Variants in ATXN10 observed in about 807,000 individuals in gnomAD.
The protein encoded by ATXN10 is ataxin 10, also known as ataxin-10.
Under a neutral mutation model 52.9 loss-of-function variants are expected in ATXN10, and 28 were observed. The ratio of observed to expected loss-of-function variants is 0.53; its 90% CI spans 0.39 to 0.73. The LOEUF is 0.73. ATXN10 is among the 30% of genes least tolerant of loss of function. The pLI, the probability that ATXN10 is intolerant of heterozygous loss-of-function variation, is 0.00. For synonymous variants in ATXN10, 226 were observed against 221.5 expected (o/e 1.02, Z -0.18); for missense variants, 565 against 577.0 (o/e 0.98, Z 0.21).
rs991890972 is a variant in ATXN10, at chr22:45,828,627, C to A, written c.1238-14364C>A. Among the ~76,000 whole-genome samples, 12 of 152,120 alleles carry A rather than the reference C, an allele frequency of 7.9e-5. No individual in the cohort carries two copies. Among genetic ancestry groups the A allele is most frequent in the African/African-American group, 2.9e-4 (12 of 41,498 alleles). On this transcript the variant is annotated intron_variant, in intron 10 of 11. Coordinates refer to ENST00000252934, the MANE Select transcript of ATXN10 (RefSeq NM_013236.4). The surrounding 1 kb of genome is among the most constrained non-coding windows in gnomAD (Gnocchi z 4.5). ...GAGAGCACTGTGAACAATTGTACAC[C>A]ATCAGTTTGGATAATGTAAATGAAA...
rs567855767 is a variant in ATXN10 at position 45,726,127 on chromosome 22, T to A, written c.729-3298T>A. The stretch of plus-strand genomic sequence containing the variant: ...TCTGTGGTTTTCTTTTTTTGTTATG[T>A]CCTTTACTGCTTTTGGTATCAGAGT... On this transcript the variant is annotated intron_variant, in intron 6 of 11. Coordinates refer to ENST00000252934, the MANE Select transcript of ATXN10 (RefSeq NM_013236.4). 5.3e-5 allele frequency among the ~76,000 whole-genome samples: 8 copies of A among 152,324 alleles called. No homozygotes were observed. The South Asian group carries it at 1.7e-3, about 32-fold the overall frequency.
At chr22:45,807,541 C>T (rs1400066949) in intron 10 of ATXN10, among the ~76,000 whole-genome samples, 1 of 152,186 alleles carries the variant, frequency 6.6e-6, no homozygotes, top group Non-Finnish European at 1.5e-5. Flanking sequence ...GTCCTGCAGC[C>T]CTCTGCGGCA....
At chr22:45,674,751 G>C (rs1922615323) in intron 1 of ATXN10, 1 of 152,226 alleles carries the variant, frequency 6.6e-6, no homozygotes, top group African/African-American at 2.4e-5. Flanking sequence ...CAAAAACAGT[G>C]AGGAAAGTAA....
Position 45,757,545 on chromosome 22 carries a change from C to CT in ATXN10, c.1173+17010dup. Among the ~76,000 whole-genome samples the CT allele has an allele frequency of 6.6e-6, 1 of 151,750 alleles. No homozygotes were observed. Among genetic ancestry groups the CT allele is most frequent in the East Asian group, 1.9e-4 (1 of 5,148 alleles). On this transcript the variant is annotated intron_variant, in intron 9 of 11. Transcript: ENST00000252934. The surrounding 1 kb of genome is among the most constrained non-coding windows in gnomAD (Gnocchi z 4.6). ...CTTTGGAGGGAGAAAGAAATGGGTTCTTTCTCTGTATTCTCTAAGATAGAT... is the reference window on the plus strand; with the variant it reads ...CTTTGGAGGGAGAAAGAAATGGGTTCTTTTCTCTGTATTCTCTAAGATAGAT...
chr22:45,838,254 G>A (rs1296014299), intron 10 of ATXN10, among the ~76,000 whole-genome samples: 3 of 152,170 alleles, frequency 2.0e-5, no homozygotes, highest in Non-Finnish European at 4.4e-5. Flanking sequence ...ACCCAGTTTA[G>A]TGTTAGGCCC....
intron 10 of ATXN10, among the ~76,000 whole-genome samples, chr22:45,811,324 C>T (rs1203859920): frequency 2.0e-5 from 3 of 152,148 alleles, no homozygotes; most frequent in Non-Finnish European, 4.4e-5. Flanking sequence ...TTGGTATTTA[C>T]ATGGTACAAT....
rs963930981 is a variant in ATXN10 at position 45,819,092 on chromosome 22, A to G, written c.1237+12070A>G. ...TATTTTAAATTTAGAAGCTACATGCAATACTTGTTTTTCAAAATTGTTTAC... is the reference window on the plus strand; with the variant it reads ...TATTTTAAATTTAGAAGCTACATGCGATACTTGTTTTTCAAAATTGTTTAC... On this transcript the variant is annotated intron_variant, in intron 10 of 11. Transcript: ENST00000252934. The surrounding 1 kb of genome is among the most constrained non-coding windows in gnomAD (Gnocchi z 4.5). 1.3e-5 allele frequency among the ~76,000 whole-genome samples: 2 copies of G among 152,184 alleles called. No homozygotes were observed. Among genetic ancestry groups the G allele is most frequent in the African/African-American group, 2.4e-5 (1 of 41,414 alleles).
chr22:45,821,855 C>G (rs897950533), intron 10 of ATXN10, among the ~76,000 whole-genome samples: 2 of 152,076 alleles, frequency 1.3e-5, no homozygotes, highest in African/African-American at 2.4e-5. Flanking sequence ...AAAAGTGAAG[C>G]CAATATATAT....
chr22:45,751,740 G>GAAAAAAAAAAAAA (rs200364242), intron 9 of ATXN10, among the ~76,000 whole-genome samples: 9 of 45,462 alleles, frequency 2.0e-4, no homozygotes, highest in East Asian at 5.9e-4. Flanking sequence ...CCTTTTTCTG[G>GAAAAAAAAAAAAA]AAAAAAAAAA....
intron 10 of ATXN10, among the ~76,000 whole-genome samples, chr22:45,812,269 C>T (rs1225708158): frequency 3.9e-5 from 6 of 152,150 alleles, no homozygotes; most frequent in East Asian, 1.9e-4. Flanking sequence ...CTGGATTACC[C>T]GCTGGATTGC....
chr22:45,718,487 A>C lies in ATXN10; in HGVS notation c.722A>C (p.Gln241Pro), dbSNP rs141096430. The part of the protein sequence containing the change: ...VQAMFPKLNN[Q>P]ERVTLLDLMI... ...GCCATGTTTCCCAAACTGAACAATCAAGAAAGGTAACCCCCCAACCAGCGT... is the reference window on the plus strand; with the variant it reads ...GCCATGTTTCCCAAACTGAACAATCCAGAAAGGTAACCCCCCAACCAGCGT... Residue 241 changes from glutamine to proline, a missense_variant, in exon 6 of 12, where the codon CAA (glutamine) becomes CCA (proline). Transcript: ENST00000252934. This position sits in a 1 kb window ranked among gnomAD's most constrained non-coding sequence, Gnocchi z 4.4. The C allele has an allele frequency of 2.5e-6, 4 of 1,613,330 alleles. No homozygotes were observed. In the African/African-American group the frequency reaches 5.3e-5, roughly 22 times the overall value.
In ATXN10 at chr22:45,843,812, A is replaced by T. The variant is rs1391293079; in HGVS notation, c.*141A>T. 1.3e-6 allele frequency: 1 copy of T among 779,688 alleles called. No homozygotes were observed. The highest frequency in any genetic ancestry group is 1.7e-5 in the African/African-American group (1 of 57,616). The allele number at this position is 779,688 out of a possible 1,614,324, so 48.3% of individuals were successfully genotyped here. A position where few individuals can be genotyped will look rare whatever the true frequency, so the allele number is the denominator to read the frequency against. Reference sequence around the variant, plus strand: ...CAAATCTTTTAGGTAGTAGAGTTTAACGTGTATAAGCTAAAAGTGAAAGTA... The same window carrying T: ...CAAATCTTTTAGGTAGTAGAGTTTATCGTGTATAAGCTAAAAGTGAAAGTA... On this transcript the variant is annotated 3_prime_UTR_variant, in exon 12 of 12. Transcript: ENST00000252934. This position sits in a 1 kb window ranked among gnomAD's most constrained non-coding sequence, Gnocchi z 4.5.
chr22:45,748,846 G>A (rs1925837327), intron 9 of ATXN10, among the ~76,000 whole-genome samples: 1 of 152,114 alleles, frequency 6.6e-6, no homozygotes, highest in Non-Finnish European at 1.5e-5. Context: ...TACAGTTCCT[G>A]TAACAGTAAA....
chr22:45,726,457 CAT>C (rs1031665463), intron 6 of ATXN10, among the ~76,000 whole-genome samples: 7 of 151,524 alleles, frequency 4.6e-5, no homozygotes, highest in Admixed American at 4.6e-4. Flanking sequence ...CAAAGGTATT[CAT>C]AGTGTCCTTA....
rs1011702646 is a variant in ATXN10, at chr22:45,775,816, C to T, written c.1174-31143C>T. 3.3e-5 allele frequency among the ~76,000 whole-genome samples: 5 copies of T among 152,148 alleles called. No individual in the cohort carries two copies. Among genetic ancestry groups the T allele is most frequent in the Non-Finnish European group, 5.9e-5 (4 of 68,026 alleles). On this transcript the variant is annotated intron_variant, in intron 9 of 11. Transcript: ENST00000252934. The surrounding 1 kb of genome is among the most constrained non-coding windows in gnomAD (Gnocchi z 4.7). ...CACGGTAGCACCAATAATAAATATT[C>T]TACAGCCTCTAACCTGATAGATCAT...
chr22:45,781,486 C>T lies in ATXN10; in HGVS notation c.1174-25473C>T, dbSNP rs145960186. ...CTGCCTTCCACGTGCTGTTGTTGAA[C>T]GAGCTCTGCTAAAATAGGAGACTTA... On this transcript the variant is annotated intron_variant, in intron 9 of 11. Transcript: ENST00000252934. This position sits in a 1 kb window ranked among gnomAD's most constrained non-coding sequence, Gnocchi z 4.2. 3.0e-4 allele frequency among the ~76,000 whole-genome samples: 45 copies of T among 152,314 alleles called. No individual in the cohort carries two copies. Among genetic ancestry groups the T allele is most frequent in the Non-Finnish European group, 5.4e-4 (37 of 68,022 alleles).
chr22:45,782,459 C>T (rs1250702350), intron 9 of ATXN10, among the ~76,000 whole-genome samples: 5 of 152,062 alleles, frequency 3.3e-5, no homozygotes, highest in Admixed American at 6.5e-5. Context: ...ATTCATTCAG[C>T]GGAATATTAC....
Position 45,723,006 on chromosome 22 carries a change from C to G in ATXN10, c.728+4513C>G, listed in dbSNP as rs374842183. On this transcript the variant is annotated intron_variant, in intron 6 of 11. Transcript: ENST00000252934. ...GCCAAATTCCCTGAAGCCAGGGATC[C>G]TGACTTCTTATACTTAGCAATAACT... Among the ~76,000 whole-genome samples, 12 of 152,178 alleles carry G rather than the reference C, an allele frequency of 7.9e-5. No homozygotes were observed. In the South Asian group the frequency reaches 1.9e-3, roughly 24 times the overall value.
Position 45,715,164 on chromosome 22 carries a change from T to G in ATXN10, c.648-3249T>G, listed in dbSNP as rs908482007. Among the ~76,000 whole-genome samples the G allele has an allele frequency of 1.3e-5, 2 of 152,232 alleles. No individual in the cohort carries two copies. Among genetic ancestry groups the G allele is most frequent in the African/African-American group, 4.8e-5 (2 of 41,464 alleles). ...CAAATCACATTTATTGAACATTTGT[T>G]AGGAGATTTTTGGTTTTTCAAGAAG... On this transcript the variant is annotated intron_variant, in intron 5 of 11. Transcript: ENST00000252934. The surrounding 1 kb of genome is among the most constrained non-coding windows in gnomAD (Gnocchi z 4.4).
Sources: allele counts gnomAD v4.1 joint callset (sites outside exome capture counted in the v4.1 genomes callset), GRCh38; gene constraint gnomAD v4.1.1; non-coding constraint Gnocchi (gnomAD v3.1); transcripts MANE v1.5; gene names NCBI Gene and HGNC (gene_info 2026-07-23, HGNC 2026-07-21).